TRAF3IP1: variants seen among roughly 807,000 people sequenced by gnomAD.
TRAF3IP1 encodes intraflagellar transport 54.
A neutral mutation model predicts 89.9 loss-of-function variants in TRAF3IP1; 53 were observed. The ratio of observed to expected loss-of-function variants is 0.59; its 90% CI spans 0.47 to 0.74. The LOEUF is 0.74. Ranked by LOEUF, TRAF3IP1 falls within the 30% of genes least tolerant of loss-of-function variation. The pLI is 0.00. For missense variants in TRAF3IP1, 806 were observed against 866.1 expected (o/e 0.93, Z 0.87); for synonymous variants, 311 against 322.1 (o/e 0.97, Z 0.37).
intron 15 of TRAF3IP1, among the ~76,000 whole-genome samples, chr2:238,366,101 A>C (rs1050534080): frequency 6.6e-6 from 1 of 152,026 alleles, no homozygotes; most frequent in African/African-American, 2.4e-5. Context: ...AAGGGGTGGC[A>C]GGCGCCTGTA....
chr2:238,346,917 T>C (rs922068049), intron 9 of TRAF3IP1, among the ~76,000 whole-genome samples: 8 of 152,214 alleles, frequency 5.3e-5, no homozygotes, highest in African/African-American at 1.9e-4. Context: ...AAGACAACAC[T>C]TGAAGAAAAA....
At chr2:238,364,208 C>A (rs1272982734) in intron 15 of TRAF3IP1, among the ~76,000 whole-genome samples, 1 of 152,080 alleles carries the variant, frequency 6.6e-6, no homozygotes, top group Non-Finnish European at 1.5e-5. Context: ...TAATTTGGGC[C>A]TCTCTCCAGC....
intron 15 of TRAF3IP1, among the ~76,000 whole-genome samples, chr2:238,384,900 T>G (rs1009343486): frequency 1.3e-5 from 2 of 152,240 alleles, no homozygotes; most frequent in Non-Finnish European, 2.9e-5. Context: ...TATTTGTGAC[T>G]AGTTCCCTTA....
In TRAF3IP1 at chr2:238,349,372, A is replaced by C; in HGVS notation, c.1415A>C (p.Lys472Thr). The change falls in exon 12 of 17, where the codon AAA becomes ACA. Residue 472 changes from lysine to threonine, a missense_variant. By Grantham distance (78) the Lys-to-Thr change is moderately conservative (BLOSUM62 -1). Coordinates refer to ENST00000373327, the MANE Select transcript of TRAF3IP1 (RefSeq NM_015650.4). ...GSARPAPPRV[K>T]RQDSMEALQM... ...GCAAGACCAGCCCCTCCCCGGGTCA[A>C]ACGGCAAGACAGCATGGAGGCGCTA... is the stretch of plus-strand genomic sequence containing the variant. 6.2e-7 allele frequency: 1 copy of C among 1,614,218 alleles called. No individual in the cohort carries two copies. Among genetic ancestry groups the C allele is most frequent in the Non-Finnish European group, 8.5e-7 (1 of 1,180,040 alleles).
intron 15 of TRAF3IP1, among the ~76,000 whole-genome samples, chr2:238,356,514 C>G (rs1021035754): frequency 2.6e-5 from 4 of 152,050 alleles, no homozygotes; most frequent in African/African-American, 9.7e-5. Flanking sequence ...AAAAAAAAGC[C>G]ATTCCTCCCT....
chr2:238,371,222 A>G (rs72981964), intron 15 of TRAF3IP1, among the ~76,000 whole-genome samples: 3,939 of 152,338 alleles, frequency 0.026, 78 homozygotes, highest in Non-Finnish European at 0.041. Flanking sequence ...TTCATGTGCC[A>G]GGTAAAAAGG....
chr2:238,330,262 AGTTTACTGTAATTATT>A (rs1698055454), intron 5 of TRAF3IP1, among the ~76,000 whole-genome samples: 1 of 152,146 alleles, frequency 6.6e-6, no homozygotes, highest in Non-Finnish European at 1.5e-5. Flanking sequence ...ATAAGACCTG[AGTTTACTGTAATTATT>A]GTTTAATTAA....
At chr2:238,377,063 G>A (rs908813464) in intron 15 of TRAF3IP1, among the ~76,000 whole-genome samples, 2 of 151,994 alleles carry the variant, frequency 1.3e-5, no homozygotes, top group African/African-American at 2.4e-5. Context: ...CCCAAGCTCC[G>A]CACCATTGTC....
chr2:238,349,555 T>C, intron 12 of TRAF3IP1, 147 bp downstream of exon 12: 1 of 742,486 alleles, frequency 1.3e-6, no homozygotes, highest in Admixed American at 2.5e-5. Flanking sequence ...GGCCCTCGCC[T>C]CACACCATAG....
At chr2:238,374,390 G>A (rs472613) in intron 15 of TRAF3IP1, among the ~76,000 whole-genome samples, 37,120 of 151,898 alleles carry the variant, frequency 0.24, 5,453 homozygotes, top group Middle Eastern at 0.43. Context: ...TGAGATAATC[G>A]TGGTTTTTGT....
intron 10 of TRAF3IP1, among the ~76,000 whole-genome samples, 168 bp from the exon 11 acceptor site, chr2:238,348,596 G>A (rs114340359): frequency 1.4e-4 from 22 of 152,224 alleles, no homozygotes; most frequent in Non-Finnish European, 2.9e-4. Context: ...ATCAGACATC[G>A]ATTTTCTCTT....
intron 15 of TRAF3IP1, among the ~76,000 whole-genome samples, chr2:238,391,582 A>G (rs1229722896): frequency 4.6e-5 from 7 of 152,216 alleles, no homozygotes; most frequent in Non-Finnish European, 7.3e-5. Context: ...TGTCCTGACT[A>G]TCACAATCCC....
chr2:238,344,465 T>G (rs1201340797), intron 8 of TRAF3IP1, 32 bp from the exon 9 acceptor site: 1 of 1,578,302 alleles, frequency 6.3e-7, no homozygotes, highest in Non-Finnish European at 8.7e-7. Flanking sequence ...GTGTACAGTC[T>G]TAATGACTAA....
At chr2:238,367,657 C>T (rs1159641846) in intron 15 of TRAF3IP1, among the ~76,000 whole-genome samples, 1 of 152,156 alleles carries the variant, frequency 6.6e-6, no homozygotes, top group African/African-American at 2.4e-5. Context: ...CGCCACCGAG[C>T]CCTCTCTGTG....
At chr2:238,377,225 A>ATTTTT (rs1367300831) in intron 15 of TRAF3IP1, among the ~76,000 whole-genome samples, 2 of 75,818 alleles carry the variant, frequency 2.6e-5, no homozygotes, top group African/African-American at 5.5e-5. Context: ...TTCCTTCCTG[A>ATTTTT]TTTTCTTTTT....
At chr2:238,387,926 A>G (rs934418378) in intron 15 of TRAF3IP1, among the ~76,000 whole-genome samples, 10 of 152,094 alleles carry the variant, frequency 6.6e-5, no homozygotes, top group Admixed American at 2.6e-4. Flanking sequence ...AAAAGTAAAA[A>G]ATTAAAAAAA....
intron 7 of TRAF3IP1, 113 bp from the exon 8 acceptor site, chr2:238,338,249 A>G (rs1574908293): frequency 1.7e-6 from 1 of 590,940 alleles, no homozygotes. Flanking sequence ...TTAGTTGACA[A>G]GACAGTTTGC....
At position 238,351,554 on chromosome 2, in the gene TRAF3IP1, G is replaced by T. The variant is rs1487598703; in HGVS notation, c.1452-1273G>T. 1.3e-5 allele frequency among the ~76,000 whole-genome samples: 2 copies of T among 152,148 alleles called. No individual in the cohort carries two copies. Among genetic ancestry groups the T allele is most frequent in the Non-Finnish European group, 2.9e-5 (2 of 68,012 alleles). ...CCTGCCGATCACGGCAGGCACAGGG[G>T]CGCAGGTGTTGAGGAGGTGGATCGT... On this transcript the variant is annotated intron_variant, in intron 12 of 16. Transcript: ENST00000373327. The surrounding 1 kb of genome is among the most constrained non-coding windows in gnomAD (Gnocchi z 5.2).
At chr2:238,374,394 T>C (rs1252975283) in intron 15 of TRAF3IP1, among the ~76,000 whole-genome samples, 4 of 152,108 alleles carry the variant, frequency 2.6e-5, no homozygotes, top group African/African-American at 7.2e-5. Flanking sequence ...ATAATCGTGG[T>C]TTTTGTCGGT....
Sources: allele counts gnomAD v4.1 joint callset (sites outside exome capture counted in the v4.1 genomes callset), GRCh38; gene constraint gnomAD v4.1.1; non-coding constraint Gnocchi (gnomAD v3.1); transcripts MANE v1.5; gene names NCBI Gene and HGNC (gene_info 2026-07-23, HGNC 2026-07-21).